Variants in PTPN3 observed in about 807,000 individuals in gnomAD.
PTPN3 encodes the protein protein tyrosine phosphatase non-receptor type 3.
PTPN3 carries 96 observed loss-of-function variants against 132.7 expected under a neutral mutation model. That is an observed-to-expected ratio of 0.72 (90% CI 0.61 to 0.86). The LOEUF (loss-of-function observed/expected upper bound fraction) is 0.86. Among genes scored for constraint, PTPN3 ranks in the 40% least tolerant of loss-of-function variants. The pLI is 0.00. For synonymous variants in PTPN3, 398 were observed against 429.0 expected (o/e 0.93, Z 0.89); for missense variants, 1,125 against 1,159.6 (o/e 0.97, Z 0.43).
the PTPN3 span, among the ~76,000 whole-genome samples, chr9:109,521,043 CA>C: frequency 6.6e-6 from 1 of 152,026 alleles, no homozygotes; most frequent in African/African-American, 2.4e-5. Context: ...GAGTGTGTGA[CA>C]TGTATACCCT....
chr9:109,440,054 G>C (rs1424400120), intron 7 of PTPN3, among the ~76,000 whole-genome samples: 1 of 152,188 alleles, frequency 6.6e-6, no homozygotes, highest in Non-Finnish European at 1.5e-5. Flanking sequence ...TGTGCCTCAA[G>C]TGCTGGGAGT....
At chr9:109,520,760 C>G in the PTPN3 span, among the ~76,000 whole-genome samples, 1 of 152,182 alleles carries the variant, frequency 6.6e-6, no homozygotes, top group South Asian at 2.1e-4. Context: ...CCACAAAGTG[C>G]GTCCACAGAA....
In PTPN3 at chr9:109,406,621, G is replaced by C. The variant is rs750185829; in HGVS notation, c.1636-3C>G. 7.4e-6 allele frequency: 12 copies of C among 1,613,896 alleles called. No homozygotes were observed. In the South Asian group the frequency reaches 1.3e-4, roughly 18 times the overall value. ...AGCTTAGGAATGCAGGTGTCCGCCT[G>C]GGTGGTGGGGAAAAGCGAGTTTCTC... is the stretch of plus-strand genomic sequence containing the variant. On this transcript the variant is annotated splice_region_variant and splice_polypyrimidine_tract_variant and intron_variant, in intron 17 of 25. Coordinates refer to ENST00000374541, the MANE Select transcript of PTPN3 (RefSeq NM_002829.4).
chr9:109,387,398 C>T (rs896855671), intron 22 of PTPN3, among the ~76,000 whole-genome samples: 1 of 152,188 alleles, frequency 6.6e-6, no homozygotes, highest in Non-Finnish European at 1.5e-5. Context: ...TTTGTGCTGC[C>T]TCAAACCTCT....
chr9:109,382,118 A>G (rs1839150361), intron 24 of PTPN3, among the ~76,000 whole-genome samples, 184 bp downstream of exon 24: 1 of 152,230 alleles, frequency 6.6e-6, no homozygotes, highest in Non-Finnish European at 1.5e-5. Context: ...TGCTACATTC[A>G]CAAAGTTAGG....
At chr9:109,497,630 C>T (rs944828690) in intron 1 of PTPN3, among the ~76,000 whole-genome samples, 1 of 152,230 alleles carries the variant, frequency 6.6e-6, no homozygotes, top group African/African-American at 2.4e-5. Flanking sequence ...CTCACATACA[C>T]TCCCCCATCT....
chr9:109,464,682 C>T (rs564830482), intron 1 of PTPN3, among the ~76,000 whole-genome samples: 1 of 152,214 alleles, frequency 6.6e-6, no homozygotes, highest in African/African-American at 2.4e-5. Context: ...GGAAAAGACC[C>T]CATTTATCAA....
Position 109,454,637 on chromosome 9 carries a change from C to A in PTPN3, c.290-63G>T. On this transcript the variant is annotated intron_variant, in intron 4 of 25. Coordinates refer to ENST00000374541, the MANE Select transcript of PTPN3 (RefSeq NM_002829.4). ...TGACAAAGTCAATGTATGTAAGTTG[C>A]TTCTCTTCCATAAGTGATGCATTTT... 3.8e-6 allele frequency: 5 copies of A among 1,317,050 alleles called. No individual in the cohort carries two copies. In the South Asian group the frequency reaches 4.8e-5, roughly 13 times the overall value. The allele number at this position is 1,317,050 out of a possible 1,614,324, so 81.6% of individuals were successfully genotyped here.
At chr9:109,492,025 T>G (rs1413891754) in intron 1 of PTPN3, among the ~76,000 whole-genome samples, 1 of 152,168 alleles carries the variant, frequency 6.6e-6, no homozygotes, top group East Asian at 1.9e-4. Context: ...CAGAGAAGCA[T>G]CATGCATAAT....
intron 7 of PTPN3, among the ~76,000 whole-genome samples, chr9:109,439,656 C>T (rs1844311975): frequency 6.6e-6 from 1 of 152,228 alleles, no homozygotes; most frequent in African/African-American, 2.4e-5. Context: ...CGCCTGTAAT[C>T]CCAGCACTTT....
At chr9:109,434,876 G>A (rs949368168) in intron 9 of PTPN3, among the ~76,000 whole-genome samples, 2 of 152,288 alleles carry the variant, frequency 1.3e-5, no homozygotes, top group Admixed American at 1.3e-4. Context: ...CCCCTTTGCC[G>A]TGGGACAAAC....
chr9:109,410,284 TGGAAG>T lies in PTPN3; in HGVS notation c.1440_1444del (p.Asp480GlufsTer18). ...GGTGGAGCCCCCTTTGGTCACCCTGTGGAAGTCATCTAAGAGCTGCTGATCAACGC... is the reference window on the plus strand; with the variant it reads ...GGTGGAGCCCCCTTTGGTCACCCTGTTCATCTAAGAGCTGCTGATCAACGC... On this transcript the variant is annotated frameshift_variant, in exon 15 of 26. Transcript: ENST00000374541. LOFTEE classifies it high-confidence loss of function. 4 of 1,614,164 alleles carry T rather than the reference TGGAAG, an allele frequency of 2.5e-6. No homozygotes were observed. Among genetic ancestry groups the T allele is most frequent in the Non-Finnish European group, 3.4e-6 (4 of 1,180,034 alleles).
chr9:109,499,607 T>C (rs1847827119), upstream of PTPN3, among the ~76,000 whole-genome samples: 1 of 152,184 alleles, frequency 6.6e-6, no homozygotes, highest in African/African-American at 2.4e-5. Flanking sequence ...ACATTATTTG[T>C]TGAATATGTG....
chr9:109,394,633 TTTTATACAAA>T (rs1427269310), intron 19 of PTPN3, among the ~76,000 whole-genome samples: 8 of 152,110 alleles, frequency 5.3e-5, no homozygotes, highest in Non-Finnish European at 1.2e-4. Flanking sequence ...ATTTATACAA[TTTTATACAAA>T]TTTATAACTT....
chr9:109,388,389 A>G (rs1443821611), intron 22 of PTPN3, among the ~76,000 whole-genome samples: 3 of 152,202 alleles, frequency 2.0e-5, no homozygotes, highest in Non-Finnish European at 4.4e-5. Context: ...GCTAGACCTC[A>G]GAGGAGATGG....
At chr9:109,425,903 A>T (rs946335484) in intron 12 of PTPN3, among the ~76,000 whole-genome samples, 1 of 151,406 alleles carries the variant, frequency 6.6e-6, no homozygotes, top group Admixed American at 6.6e-5. Flanking sequence ...AATCCTAGCT[A>T]CTCGGGAGGC....
At chr9:109,406,332 T>C in intron 18 of PTPN3, 130 bp downstream of exon 18, 1 of 1,230,824 alleles carries the variant, frequency 8.1e-7, no homozygotes, top group South Asian at 1.5e-5. Flanking sequence ...ATTCGGTTAT[T>C]ACCTGAAGAT....
rs1299051378 is a variant in PTPN3 at position 109,463,353 on chromosome 9, C to A, written c.82G>T (p.Glu28Ter). ...AAAAAGTGGATGCTGCAAATGACTT[C>A]TGATCGAGTTTTCTCTTTGGGTAAC... is the stretch of plus-strand genomic sequence containing the variant. The part of the protein sequence containing the change: ...SELPKEKTRS[E>*]VICSIHFLDG... The change falls in exon 2 of 26, where the codon GAA becomes TAA. Residue 28 changes from glutamate to a stop codon, truncating the protein, a stop_gained. Coordinates refer to ENST00000374541, the MANE Select transcript of PTPN3 (RefSeq NM_002829.4). LOFTEE classifies it high-confidence loss of function. 2 of 1,613,854 alleles carry A rather than the reference C, an allele frequency of 1.2e-6. No individual in the cohort carries two copies. The highest frequency in any genetic ancestry group is 1.7e-6 in the Non-Finnish European group (2 of 1,179,958).
chr9:109,490,688 G>A (rs1381212645), intron 1 of PTPN3, among the ~76,000 whole-genome samples: 1 of 151,882 alleles, frequency 6.6e-6, no homozygotes, highest in South Asian at 2.1e-4. Context: ...GCAGTGAGCT[G>A]AGACTGAGCC....
Sources: gnomAD v4.1 joint callset for allele counts (sites outside exome capture counted in the v4.1 genomes callset) on GRCh38, gnomAD v4.1.1 for gene constraint, MANE v1.5 for transcripts, NCBI Gene and HGNC (gene_info 2026-07-23, HGNC 2026-07-21) for gene names.